ZNF385D: variants seen among roughly 807,000 people sequenced by gnomAD.
The protein encoded by ZNF385D is zinc finger protein 659.
A neutral mutation model predicts 35.8 loss-of-function variants in ZNF385D; 15 were observed. The observed-to-expected ratio is 0.42, with a 90% confidence interval of 0.28 to 0.64. The LOEUF (loss-of-function observed/expected upper bound fraction) is 0.64, where lower values mean the gene tolerates loss of function less well. Among genes scored for constraint, ZNF385D ranks in the 30% least tolerant of loss-of-function variants. The probability of loss-of-function intolerance (pLI) is 0.23; values close to 1 mark genes in which losing one functional copy is unlikely to be tolerated. For synonymous variants in ZNF385D, 212 were observed against 186.8 expected (o/e 1.13, Z -1.10); for missense variants, 474 against 494.6 (o/e 0.96, Z 0.39).
intron 3 of ZNF385D, among the ~76,000 whole-genome samples, chr3:21,793,207 G>C (rs1201338657): frequency 6.6e-6 from 1 of 152,190 alleles, no homozygotes. Flanking sequence ...TCTGCTGCTA[G>C]CTAGCCATGA....
chr3:22,093,269 C>G (rs1394655903), intron 3 of ZNF385D, among the ~76,000 whole-genome samples: 1 of 151,964 alleles, frequency 6.6e-6, no homozygotes, highest in East Asian at 1.9e-4. Flanking sequence ...AACCCAACAT[C>G]TAAAACTTTT....
At chr3:22,129,475 T>C (rs976826002) in intron 3 of ZNF385D, among the ~76,000 whole-genome samples, 1 of 149,970 alleles carries the variant, frequency 6.7e-6, no homozygotes, top group Non-Finnish European at 1.5e-5. Context: ...TAGGGACTGG[T>C]ATCAGGGACT....
intron 2 of ZNF385D, among the ~76,000 whole-genome samples, chr3:21,657,575 A>C (rs1198374675): frequency 1.3e-5 from 2 of 151,970 alleles, no homozygotes; most frequent in African/African-American, 4.8e-5. Context: ...AGAACTAGAG[A>C]GCAATCTGCT....
intron 3 of ZNF385D, among the ~76,000 whole-genome samples, chr3:22,024,737 T>C (rs1576173746): frequency 1.3e-5 from 2 of 152,122 alleles, no homozygotes; most frequent in East Asian, 1.9e-4. Flanking sequence ...AGTGACTCTA[T>C]ACATAATATT....
intron 3 of ZNF385D, among the ~76,000 whole-genome samples, chr3:21,563,695 A>T (rs76584440): frequency 6.6e-6 from 1 of 152,206 alleles, no homozygotes. Flanking sequence ...GTATCAACTT[A>T]GGACGAGAAA....
intron 5 of ZNF385D, among the ~76,000 whole-genome samples, chr3:21,428,886 C>T: frequency 7.0e-6 from 1 of 143,884 alleles, no homozygotes; most frequent in East Asian, 2.0e-4. Context: ...TGAAATCATA[C>T]TCCAACCACA....
At chr3:21,912,474 G>C (rs1051976155) in intron 3 of ZNF385D, among the ~76,000 whole-genome samples, 1 of 151,910 alleles carries the variant, frequency 6.6e-6, no homozygotes, top group Non-Finnish European at 1.5e-5. Context: ...TTCTTTCCAC[G>C]GATACACAGA....
chr3:21,695,431 G>A (rs1197427571), intron 1 of ZNF385D, among the ~76,000 whole-genome samples: 4 of 152,140 alleles, frequency 2.6e-5, no homozygotes, highest in East Asian at 1.9e-4. Context: ...GCTACCTGGT[G>A]CAGCACTTTT....
At chr3:21,939,175 C>T (rs1701399879) in intron 3 of ZNF385D, among the ~76,000 whole-genome samples, 1 of 152,148 alleles carries the variant, frequency 6.6e-6, no homozygotes, top group Non-Finnish European at 1.5e-5. Context: ...CCTATATTTG[C>T]CCACTGAAAT....
intron 3 of ZNF385D, among the ~76,000 whole-genome samples, chr3:21,794,476 T>C (rs569235818): frequency 4.9e-4 from 75 of 152,170 alleles, no homozygotes; most frequent in African/African-American, 1.8e-3. Context: ...ACTGGGTAGC[T>C]TATACACAAC....
At chr3:22,257,618 T>C (rs1191311624) in intron 2 of ZNF385D, among the ~76,000 whole-genome samples, 4 of 151,880 alleles carry the variant, frequency 2.6e-5, no homozygotes, top group South Asian at 2.1e-4. Context: ...AGGAAAATAA[T>C]TGAGAACATC....
At chr3:22,247,018 A>C (rs1015472327) in intron 2 of ZNF385D, among the ~76,000 whole-genome samples, 1 of 152,104 alleles carries the variant, frequency 6.6e-6, no homozygotes, top group Non-Finnish European at 1.5e-5. Context: ...TACACAAACA[A>C]CTTCATTTAT....
At chr3:22,040,842 T>C (rs1320807324) in intron 3 of ZNF385D, among the ~76,000 whole-genome samples, 1 of 152,160 alleles carries the variant, frequency 6.6e-6, no homozygotes, top group African/African-American at 2.4e-5. Flanking sequence ...AGGCAATAAA[T>C]ATCATGCTAT....
chr3:21,524,002 T>G (rs1301332476), intron 3 of ZNF385D, among the ~76,000 whole-genome samples: 1 of 152,200 alleles, frequency 6.6e-6, no homozygotes, highest in Non-Finnish European at 1.5e-5. Flanking sequence ...TTAAAAATTT[T>G]CAGAATTGAT....
intron 2 of ZNF385D, among the ~76,000 whole-genome samples, chr3:22,238,929 G>A (rs1384734145): frequency 1.3e-5 from 2 of 149,940 alleles, no homozygotes; most frequent in Non-Finnish European, 2.9e-5. Context: ...GTCTTGCCAT[G>A]TTGTACAGGC....
At chr3:21,452,381 T>C (rs995199230) in intron 4 of ZNF385D, among the ~76,000 whole-genome samples, 1 of 152,038 alleles carries the variant, frequency 6.6e-6, no homozygotes. Context: ...ATGTCCACTC[T>C]TGCTGCTGCT....
intron 1 of ZNF385D, among the ~76,000 whole-genome samples, chr3:21,675,844 ATTAT>A (rs1227514736): frequency 2.0e-5 from 3 of 152,028 alleles, no homozygotes; most frequent in Non-Finnish European, 4.4e-5. Context: ...GTATCAACTC[ATTAT>A]TTATTCAATT....
intron 4 of ZNF385D, among the ~76,000 whole-genome samples, chr3:21,489,837 A>G (rs1022217606): frequency 6.6e-6 from 1 of 152,092 alleles, no homozygotes; most frequent in Non-Finnish European, 1.5e-5. Flanking sequence ...TTGGGTCAGA[A>G]TGTGGCCTAA....
intron 1 of ZNF385D, among the ~76,000 whole-genome samples, chr3:21,690,348 A>T (rs960066515): frequency 2.6e-5 from 4 of 152,164 alleles, no homozygotes; most frequent in Non-Finnish European, 5.9e-5. Context: ...ATGCATATGT[A>T]ATTGATACAA....
Sources: gnomAD v4.1 joint callset for allele counts (sites outside exome capture counted in the v4.1 genomes callset) on GRCh38, gnomAD v4.1.1 for gene constraint, MANE v1.5 for transcripts, NCBI Gene and HGNC (gene_info 2026-07-23, HGNC 2026-07-21) for gene names.